The following GRIK2 variants were observed in gnomAD, a reference collection of about 807,000 sequenced individuals.
GRIK2 encodes glutamate ionotropic receptor kainate type subunit 2.
In GRIK2, 32 loss-of-function variants were observed where a neutral mutation model predicts 100.3. The ratio of observed to expected loss-of-function variants is 0.32; its 90% confidence interval spans 0.24 to 0.43. The LOEUF (loss-of-function observed/expected upper bound fraction) is 0.43, where lower values mean the gene tolerates loss of function less well. Among genes scored for constraint, GRIK2 ranks in the 20% least tolerant of loss-of-function variants. The pLI, the probability that GRIK2 is intolerant of heterozygous loss-of-function variation, is 1.00. For missense variants in GRIK2, 843 were observed against 1,114.9 expected (o/e 0.76, Z 3.47); for synonymous variants, 417 against 389.4 (o/e 1.07, Z -0.83).
chr6:101,442,925 A>G (rs1275971053), intron 2 of GRIK2, among the ~76,000 whole-genome samples: 2 of 152,188 alleles, frequency 1.3e-5, no homozygotes, highest in Non-Finnish European at 2.9e-5. Flanking sequence ...CTGAATCCGC[A>G]AATAAATAAC....
At chr6:101,673,157 C>T (rs72954264) in intron 4 of GRIK2, among the ~76,000 whole-genome samples, 9,890 of 151,990 alleles carry the variant, frequency 0.065, 427 homozygotes, top group Middle Eastern at 0.15. Flanking sequence ...AACTCAAGTC[C>T]GCAAGCAAAA....
At chr6:101,436,782 T>TTTA (rs1259650148) in intron 2 of GRIK2, among the ~76,000 whole-genome samples, 8 of 150,888 alleles carry the variant, frequency 5.3e-5, no homozygotes, top group East Asian at 3.9e-4. Flanking sequence ...TGATTTAAAG[T>TTTA]TTATTATTAT....
chr6:101,742,872 C>A (rs921158667), intron 7 of GRIK2, among the ~76,000 whole-genome samples: 1 of 152,146 alleles, frequency 6.6e-6, no homozygotes, highest in Non-Finnish European at 1.5e-5. Flanking sequence ...CTAGACCCCC[C>A]ACTTCCCATC....
intron 11 of GRIK2, among the ~76,000 whole-genome samples, chr6:101,867,209 C>T (rs971309095): frequency 6.6e-6 from 1 of 151,894 alleles, no homozygotes; most frequent in African/African-American, 2.4e-5. Flanking sequence ...CCCCCCAACA[C>T]ACCAAATTCT....
chr6:101,710,435 A>G (rs1391957521), intron 7 of GRIK2, among the ~76,000 whole-genome samples: 1 of 151,896 alleles, frequency 6.6e-6, no homozygotes, highest in African/African-American at 2.4e-5. Context: ...TTATGCAAGT[A>G]TTTTGGAAAC....
chr6:102,055,615 A>G (rs1771425302), intron 16 of GRIK2, 35 bp downstream of exon 16: 1 of 1,516,146 alleles, frequency 6.6e-7, no homozygotes. Context: ...AATTTAAAAC[A>G]ATTTTTGTTG....
intron 14 of GRIK2, among the ~76,000 whole-genome samples, chr6:101,950,951 CG>C (rs891257977): frequency 1.3e-5 from 2 of 151,980 alleles, no homozygotes; most frequent in Admixed American, 1.3e-4. Flanking sequence ...CAAGCAAGGG[CG>C]GGCCATAGAT....
intron 14 of GRIK2, among the ~76,000 whole-genome samples, chr6:101,958,832 T>C (rs1450400976): frequency 3.9e-5 from 6 of 152,136 alleles, no homozygotes; most frequent in African/African-American, 1.4e-4. Flanking sequence ...TCACATTTAT[T>C]AATTTGCATG....
chr6:101,947,432 T>C (rs1182139972), intron 14 of GRIK2, among the ~76,000 whole-genome samples: 2 of 152,186 alleles, frequency 1.3e-5, no homozygotes, highest in Admixed American at 1.3e-4. Flanking sequence ...ATTATTTTAA[T>C]TTGGTTTAAA....
chr6:101,674,509 A>G (rs751855144), intron 4 of GRIK2, among the ~76,000 whole-genome samples: 3 of 152,200 alleles, frequency 2.0e-5, no homozygotes, highest in Non-Finnish European at 2.9e-5. Context: ...TTCTGTACAT[A>G]TATGTTTGGA....
At chr6:101,690,274 A>G (rs1412856266) in intron 7 of GRIK2, among the ~76,000 whole-genome samples, 1 of 152,140 alleles carries the variant, frequency 6.6e-6, no homozygotes, top group Non-Finnish European at 1.5e-5. Flanking sequence ...TGATAATATA[A>G]ATGTATTACA....
Position 101,456,094 on chromosome 6 carries a change from G to A in GRIK2, c.115+56702G>A, listed in dbSNP as rs1770995134. 2.0e-5 allele frequency among the ~76,000 whole-genome samples: 3 copies of A among 150,902 alleles called. No individual in the cohort carries two copies. The South Asian group carries it at 6.3e-4, about 32-fold the overall frequency. On this transcript the variant is annotated intron_variant, in intron 2 of 16. Transcript: ENST00000369134. ...GGTCCTGGTTACCTTTAAGTTGTTG[G>A]ACATTAGCAGGAATTGGGACAGATT... is the stretch of plus-strand genomic sequence containing the variant.
At chr6:101,670,237 C>T (rs1770330057) in intron 4 of GRIK2, among the ~76,000 whole-genome samples, 1 of 151,950 alleles carries the variant, frequency 6.6e-6, no homozygotes, top group African/African-American at 2.4e-5. Flanking sequence ...CAGTGTCTTA[C>T]ACATAGTGGA....
chr6:102,019,295 C>A (rs763779241), intron 14 of GRIK2, among the ~76,000 whole-genome samples: 3 of 152,042 alleles, frequency 2.0e-5, no homozygotes, highest in Non-Finnish European at 4.4e-5. Flanking sequence ...GGCAGCATTC[C>A]TGGACATCTG....
At chr6:101,980,407 A>G (rs1413045453) in intron 14 of GRIK2, among the ~76,000 whole-genome samples, 1 of 151,964 alleles carries the variant, frequency 6.6e-6, no homozygotes, top group Non-Finnish European at 1.5e-5. Flanking sequence ...TCTTAGATTT[A>G]TAAAGTATTT....
chr6:101,799,307 A>G (rs567228300), intron 7 of GRIK2, among the ~76,000 whole-genome samples: 97 of 136,304 alleles, frequency 7.1e-4, no homozygotes, highest in Admixed American at 1.8e-3. Flanking sequence ...GTGTGTGTGT[A>G]TAAGTGAGAC....
At chr6:101,932,581 G>GTTTTT (rs1165058995) in intron 14 of GRIK2, among the ~76,000 whole-genome samples, 5 of 144,408 alleles carry the variant, frequency 3.5e-5, no homozygotes, top group African/African-American at 1.3e-4. Flanking sequence ...ATTCTTTGAA[G>GTTTTT]TTTTTTTTTT....
intron 11 of GRIK2, among the ~76,000 whole-genome samples, chr6:101,874,331 C>T (rs2128449861): frequency 6.6e-6 from 1 of 152,230 alleles, no homozygotes; most frequent in South Asian, 2.1e-4. Flanking sequence ...CCAGTTTTCC[C>T]AGCACCATTT....
At chr6:101,404,120 G>A (rs770275596) in intron 2 of GRIK2, among the ~76,000 whole-genome samples, 22 of 152,280 alleles carry the variant, frequency 1.4e-4, no homozygotes, top group Middle Eastern at 3.4e-3. Flanking sequence ...AGCGAACATG[G>A]TTTATACGTC....
Sources: allele counts gnomAD v4.1 joint callset (sites outside exome capture counted in the v4.1 genomes callset), GRCh38; gene constraint gnomAD v4.1.1; transcripts MANE v1.5; gene names NCBI Gene and HGNC (gene_info 2026-07-23, HGNC 2026-07-21).